The following FSTL5 variants were observed in gnomAD, a reference collection of about 807,000 sequenced individuals.
FSTL5 encodes the protein follistatin like 5.
In FSTL5, 62 loss-of-function variants were observed where a neutral mutation model predicts 89.1. The ratio of observed to expected loss-of-function variants is 0.70; its 90% confidence interval spans 0.57 to 0.86. FSTL5 has a LOEUF of 0.86. Ranked by LOEUF, FSTL5 falls within the 40% of genes least tolerant of loss-of-function variation. The probability of loss-of-function intolerance (pLI) is 0.00; values close to 1 mark genes in which losing one functional copy is unlikely to be tolerated. For synonymous variants in FSTL5, 383 were observed against 346.2 expected (o/e 1.11, Z -1.18); for missense variants, 1,057 against 1,001.6 (o/e 1.06, Z -0.75).
intron 15 of FSTL5, among the ~76,000 whole-genome samples, chr4:161,453,879 C>T (rs1471700525): frequency 1.3e-5 from 2 of 152,164 alleles, no homozygotes; most frequent in Non-Finnish European, 2.9e-5. Context: ...CATGGGAGAG[C>T]TACCATGCCC....
chr4:161,537,481 A>T (rs1321393625), intron 10 of FSTL5, among the ~76,000 whole-genome samples: 1 of 152,202 alleles, frequency 6.6e-6, no homozygotes, highest in Non-Finnish European at 1.5e-5. Context: ...TGAGTTCCAA[A>T]CAATTCGGCT....
chr4:162,157,925 A>T (rs1579072040), intron 1 of FSTL5, among the ~76,000 whole-genome samples: 1 of 152,236 alleles, frequency 6.6e-6, no homozygotes. Context: ...TTCCCTTTAC[A>T]TCAAATGCAA....
intron 6 of FSTL5, among the ~76,000 whole-genome samples, chr4:161,719,149 T>G (rs2126748630): frequency 6.6e-6 from 1 of 152,348 alleles, no homozygotes; most frequent in East Asian, 1.9e-4. Flanking sequence ...GAGTCCAATT[T>G]CATTCATTTG....
At chr4:161,960,270 G>A (rs1735140882) in intron 3 of FSTL5, among the ~76,000 whole-genome samples, 1 of 149,264 alleles carries the variant, frequency 6.7e-6, no homozygotes, top group Non-Finnish European at 1.5e-5. Context: ...AGGTTCAAGA[G>A]ATTCTCCTGC....
chr4:161,398,055 T>C (rs55638643), intron 15 of FSTL5, among the ~76,000 whole-genome samples: 4,760 of 152,112 alleles, frequency 0.031, 253 homozygotes, highest in African/African-American at 0.11. Flanking sequence ...ATAGTATTGG[T>C]AGAAACGTAA....
At chr4:161,955,082 T>C (rs1734993693) in intron 3 of FSTL5, among the ~76,000 whole-genome samples, 1 of 151,594 alleles carries the variant, frequency 6.6e-6, no homozygotes, top group Non-Finnish European at 1.5e-5. Flanking sequence ...TTTTGTGCCA[T>C]GTTGATATAA....
chr4:161,947,697 G>A (rs1414267342), intron 3 of FSTL5, among the ~76,000 whole-genome samples: 1 of 151,776 alleles, frequency 6.6e-6, no homozygotes, highest in East Asian at 1.9e-4. Flanking sequence ...AGAATACTTT[G>A]GGCTAGTCGA....
chr4:161,535,119 C>G (rs1731552416), intron 10 of FSTL5, among the ~76,000 whole-genome samples: 2 of 151,986 alleles, frequency 1.3e-5, no homozygotes, highest in South Asian at 4.2e-4. Flanking sequence ...TATAAAAATC[C>G]TAAAAGTAAA....
intron 3 of FSTL5, among the ~76,000 whole-genome samples, chr4:162,028,096 A>G (rs1002499691): frequency 2.0e-5 from 3 of 152,178 alleles, no homozygotes; most frequent in Admixed American, 6.5e-5. Context: ...AACAACCAAG[A>G]AAATAAATCA....
At chr4:161,878,734 G>C (rs564687308) in intron 4 of FSTL5, among the ~76,000 whole-genome samples, 19 of 152,142 alleles carry the variant, frequency 1.2e-4, no homozygotes, top group African/African-American at 4.6e-4. Flanking sequence ...ATATATTAGT[G>C]TTCCTGAAAA....
intron 6 of FSTL5, among the ~76,000 whole-genome samples, chr4:161,660,102 C>T (rs1736654588): frequency 6.6e-6 from 1 of 152,174 alleles, no homozygotes; most frequent in Non-Finnish European, 1.5e-5. Context: ...CTTAGAAGCA[C>T]TCTCAAGTAT....
chr4:161,964,205 T>C (rs979910633), intron 3 of FSTL5, among the ~76,000 whole-genome samples: 1 of 151,856 alleles, frequency 6.6e-6, no homozygotes, highest in Admixed American at 6.6e-5. Flanking sequence ...TCTCTGAGAG[T>C]ATGTTCTGGA....
At chr4:162,020,212 G>A (rs1263874690) in intron 3 of FSTL5, among the ~76,000 whole-genome samples, 1 of 151,748 alleles carries the variant, frequency 6.6e-6, no homozygotes, top group Non-Finnish European at 1.5e-5. Flanking sequence ...ATTAACCAGG[G>A]TCATGGGACA....
chr4:161,774,553 C>T (rs577437056), intron 5 of FSTL5, among the ~76,000 whole-genome samples: 3 of 151,936 alleles, frequency 2.0e-5, no homozygotes, highest in Admixed American at 6.6e-5. Context: ...CAGACCAGAT[C>T]GACTTGATCT....
chr4:162,030,480 A>G (rs72980603), intron 3 of FSTL5, among the ~76,000 whole-genome samples: 2,007 of 152,262 alleles, frequency 0.013, 46 homozygotes, highest in African/African-American at 0.045. Context: ...AATGAAAAAA[A>G]CATACTTTAT....
intron 1 of FSTL5, among the ~76,000 whole-genome samples, chr4:162,154,022 G>A (rs1472612047): frequency 1.3e-5 from 2 of 151,528 alleles, no homozygotes; most frequent in African/African-American, 4.8e-5. Flanking sequence ...GGCCAGGCTG[G>A]TCTTGAACTC....
intron 3 of FSTL5, among the ~76,000 whole-genome samples, chr4:161,977,609 T>A: frequency 1.8e-5 from 1 of 57,096 alleles, no homozygotes; most frequent in African/African-American, 6.1e-5. Context: ...CGAGACTCCG[T>A]GTCAAAAAAA....
intron 2 of FSTL5, among the ~76,000 whole-genome samples, chr4:162,054,756 G>A (rs1222979558): frequency 6.6e-6 from 1 of 151,720 alleles, no homozygotes; most frequent in Non-Finnish European, 1.5e-5. Flanking sequence ...GAAGACAAAG[G>A]AGTATCTTTT....
intron 3 of FSTL5, among the ~76,000 whole-genome samples, chr4:161,939,665 TA>T (rs1734524477): frequency 6.6e-6 from 1 of 151,972 alleles, no homozygotes; most frequent in Admixed American, 6.6e-5. Context: ...CAATTCTTAT[TA>T]CCAATTCAGA....
Sources: gnomAD v4.1 joint callset for allele counts (sites outside exome capture counted in the v4.1 genomes callset) on GRCh38, gnomAD v4.1.1 for gene constraint, MANE v1.5 for transcripts, NCBI Gene and HGNC (gene_info 2026-07-23, HGNC 2026-07-21) for gene names.